COL26A1: variants seen among roughly 807,000 people sequenced by gnomAD.
The protein encoded by COL26A1 is collagen alpha-1(XXVI) chain.
Under a neutral mutation model 59.3 loss-of-function variants are expected in COL26A1, and 41 were observed. The observed-to-expected ratio is 0.69, with a 90% confidence interval of 0.54 to 0.90. The LOEUF is 0.90. COL26A1 is among the 40% of genes least tolerant of loss of function. COL26A1 has a pLI of 0.00. For missense variants in COL26A1, 612 were observed against 602.3 expected, an observed-to-expected ratio of 1.02 and a Z score of -0.17; for synonymous variants, 266 against 256.0, an observed-to-expected ratio of 1.04 and a Z score of -0.37.
At chr7:101,399,923 T>C (rs1791949919) in intron 1 of COL26A1, among the ~76,000 whole-genome samples, 1 of 152,210 alleles carries the variant, frequency 6.6e-6, no homozygotes, top group Non-Finnish European at 1.5e-5. Flanking sequence ...TATTTACTTA[T>C]CACCCACTCA....
At chr7:101,369,443 C>CTTTTTTTTTTTTT (rs1210867917) in intron 1 of COL26A1, among the ~76,000 whole-genome samples, 1 of 75,894 alleles carries the variant, frequency 1.3e-5, no homozygotes, top group Non-Finnish European at 2.2e-5. Flanking sequence ...TAATCTGCAT[C>CTTTTTTTTTTTTT]TTTTTTTTTT....
At chr7:101,479,676 A>G (rs4358739) in intron 3 of COL26A1, among the ~76,000 whole-genome samples, 52,723 of 151,970 alleles carry the variant, frequency 0.35, 9,620 homozygotes, top group Middle Eastern at 0.46. Context: ...TTTTTAAATC[A>G]ATTCCAGAAA....
At chr7:101,366,186 G>A (rs530348681) in intron 1 of COL26A1, among the ~76,000 whole-genome samples, 1 of 152,354 alleles carries the variant, frequency 6.6e-6, no homozygotes, top group Non-Finnish European at 1.5e-5. Flanking sequence ...AAAGCCCAGC[G>A]TGGGCATTGC....
At position 101,477,004 on chromosome 7, in the gene COL26A1, C is replaced by T. The variant is rs558609654; in HGVS notation, c.385+29217C>T. On this transcript the variant is annotated intron_variant, in intron 3 of 12. Transcript: ENST00000313669. ...GATTACAGGCATGCACCACCACGCC[C>T]GGCTAAGTTTTGTATTTTTAGTAGA... Among the ~76,000 whole-genome samples, 7 of 152,076 alleles carry T rather than the reference C, an allele frequency of 4.6e-5. No individual in the cohort carries two copies. In the South Asian group the frequency reaches 6.2e-4, roughly 14 times the overall value.
chr7:101,537,583 A>G (rs1795506841), intron 4 of COL26A1, among the ~76,000 whole-genome samples: 6 of 152,132 alleles, frequency 3.9e-5, no homozygotes, highest in Admixed American at 2.0e-4. Context: ...GCAGATTCCA[A>G]CCAGGGCTCC....
intron 1 of COL26A1, among the ~76,000 whole-genome samples, chr7:101,406,352 C>T (rs1329376615): frequency 1.3e-5 from 2 of 152,136 alleles, no homozygotes; most frequent in Non-Finnish European, 2.9e-5. Context: ...TACATACACT[C>T]GGCTATTCCT....
At chr7:101,454,634 A>G (rs916913230) in intron 3 of COL26A1, among the ~76,000 whole-genome samples, 2 of 152,266 alleles carry the variant, frequency 1.3e-5, no homozygotes, top group Middle Eastern at 3.4e-3. Context: ...TTTGTTGTTT[A>G]GAATGTCCCC....
intron 1 of COL26A1, among the ~76,000 whole-genome samples, chr7:101,390,807 A>G (rs547379924): frequency 6.6e-6 from 1 of 152,270 alleles, no homozygotes; most frequent in African/African-American, 2.4e-5. Context: ...TTTCTTGGAA[A>G]TATCTGGTGA....
chr7:101,402,657 TCC>T (rs72327231), intron 1 of COL26A1, among the ~76,000 whole-genome samples: 63,986 of 112,250 alleles, frequency 0.57, 19,346 homozygotes, highest in Middle Eastern at 0.64. Flanking sequence ...CTTCCTTCCT[TCC>T]TTCCCTCCCT....
At chr7:101,388,221 C>T (rs147723194) in intron 1 of COL26A1, among the ~76,000 whole-genome samples, 9,345 of 151,814 alleles carry the variant, frequency 0.062, 665 homozygotes, top group African/African-American at 0.16. Flanking sequence ...GCCTGTAATC[C>T]CAGTACTTTG....
chr7:101,439,242 A>G (rs926559656), intron 2 of COL26A1, among the ~76,000 whole-genome samples: 9 of 151,950 alleles, frequency 5.9e-5, no homozygotes, highest in Non-Finnish European at 1.0e-4. Context: ...GTCGATTGAT[A>G]GTGATATGTA....
chr7:101,437,506 G>A (rs1335463385), intron 2 of COL26A1, among the ~76,000 whole-genome samples: 1 of 151,516 alleles, frequency 6.6e-6, no homozygotes, highest in Admixed American at 6.6e-5. Flanking sequence ...GAGGAGGGAT[G>A]GCCAAGGTAT....
intron 1 of COL26A1, among the ~76,000 whole-genome samples, chr7:101,387,735 A>ATT (rs1562958140): frequency 7.0e-5 from 7 of 99,476 alleles, no homozygotes; most frequent in East Asian, 2.6e-4. Context: ...TTTTAATATA[A>ATT]TTATATATAT....
At chr7:101,487,254 G>A (rs1584452250) in intron 3 of COL26A1, among the ~76,000 whole-genome samples, 1 of 152,314 alleles carries the variant, frequency 6.6e-6, no homozygotes, top group African/African-American at 2.4e-5. Flanking sequence ...GCAGGGTGTT[G>A]TGAGCCAGAG....
intron 1 of COL26A1, among the ~76,000 whole-genome samples, chr7:101,394,874 T>TC (rs1165409094): frequency 7.2e-6 from 1 of 139,432 alleles, no homozygotes; most frequent in African/African-American, 2.7e-5. Context: ...CTTTTCTTTT[T>TC]TTTTTTTTTT....
At chr7:101,513,578 C>T (rs2130591599) in intron 3 of COL26A1, among the ~76,000 whole-genome samples, 1 of 152,222 alleles carries the variant, frequency 6.6e-6, no homozygotes, top group East Asian at 1.9e-4. Context: ...CTCTTGGCCT[C>T]AAGTGATCCA....
intron 4 of COL26A1, among the ~76,000 whole-genome samples, chr7:101,534,255 C>A (rs1188384176): frequency 6.6e-6 from 1 of 150,654 alleles, no homozygotes; most frequent in African/African-American, 2.5e-5. Flanking sequence ...TGGCATTGTC[C>A]AGAGAGAGTG....
intron 3 of COL26A1, among the ~76,000 whole-genome samples, chr7:101,513,206 C>G (rs1274059130): frequency 2.0e-5 from 3 of 151,862 alleles, no homozygotes; most frequent in Admixed American, 2.0e-4. Context: ...CAGGGTTTCA[C>G]CATGTTGGCC....
intron 1 of COL26A1, among the ~76,000 whole-genome samples, chr7:101,373,041 T>A (rs1791229920): frequency 6.6e-6 from 1 of 152,146 alleles, no homozygotes; most frequent in South Asian, 2.1e-4. Flanking sequence ...GGAGTCTGGA[T>A]GTGAAGTCTC....
Sources: gnomAD v4.1 joint callset for allele counts (sites outside exome capture counted in the v4.1 genomes callset) on GRCh38, gnomAD v4.1.1 for gene constraint, MANE v1.5 for transcripts, NCBI Gene and HGNC (gene_info 2026-07-23, HGNC 2026-07-21) for gene names.